The following NME7 variants were observed in gnomAD, a reference collection of about 807,000 sequenced individuals.
NME7 encodes the protein NME/NM23 family member 7.
NME7 carries 41 observed loss-of-function variants against 49.1 expected under a neutral mutation model. The ratio of observed to expected loss-of-function variants is 0.83; its 90% CI spans 0.65 to 1.08. The LOEUF (loss-of-function observed/expected upper bound fraction) is 1.08, where lower values mean the gene tolerates loss of function less well. Among genes scored for constraint, NME7 ranks in the 50% least tolerant of loss-of-function variants. The probability of loss-of-function intolerance (pLI) is 0.00; values close to 1 mark genes in which losing one functional copy is unlikely to be tolerated. For synonymous variants in NME7, 139 were observed against 150.6 expected (o/e 0.92, Z 0.56); for missense variants, 423 against 463.4 (o/e 0.91, Z 0.80).
At chr1:169,333,441 G>A (rs929910866) in intron 1 of NME7, among the ~76,000 whole-genome samples, 1 of 151,982 alleles carries the variant, frequency 6.6e-6, no homozygotes. Flanking sequence ...TAACTTAATT[G>A]TACATTTTAA....
chr1:169,323,490 T>C (rs1346778106), intron 2 of NME7, among the ~76,000 whole-genome samples: 2 of 152,242 alleles, frequency 1.3e-5, no homozygotes, highest in Non-Finnish European at 2.9e-5. Flanking sequence ...AAAAGCTTCT[T>C]ATTACAAATT....
At chr1:169,305,315 T>C (rs1352156737) in intron 4 of NME7, among the ~76,000 whole-genome samples, 1 of 152,222 alleles carries the variant, frequency 6.6e-6, no homozygotes, top group African/African-American at 2.4e-5. Context: ...CACAAAGATC[T>C]ATCCATTAAC....
chr1:169,286,135 T>C (rs1000682136), intron 7 of NME7: 1 of 152,124 alleles, frequency 6.6e-6, no homozygotes, highest in African/African-American at 2.4e-5. Flanking sequence ...AACAACAGCC[T>C]ATAGACCTAC....
chr1:169,144,796 CAGG>C (rs1443608226), intron 11 of NME7, among the ~76,000 whole-genome samples: 1 of 152,108 alleles, frequency 6.6e-6, no homozygotes, highest in Non-Finnish European at 1.5e-5. Context: ...GAAGCTGAAG[CAGG>C]AGGATTGCTT....
At chr1:169,152,441 T>C (rs1353127267) in intron 11 of NME7, among the ~76,000 whole-genome samples, 4 of 152,208 alleles carry the variant, frequency 2.6e-5, no homozygotes, top group Admixed American at 2.0e-4. Context: ...GGTAGTCTGA[T>C]TCCATATGCA....
intron 7 of NME7, among the ~76,000 whole-genome samples, chr1:169,259,328 C>G (rs183368068): frequency 7.5e-6 from 1 of 133,096 alleles, no homozygotes; most frequent in African/African-American, 2.5e-5. Context: ...CATATGAATT[C>G]TTGAAATATG....
chr1:169,365,699 A>T (rs967303617), intron 1 of NME7, among the ~76,000 whole-genome samples: 1 of 152,362 alleles, frequency 6.6e-6, no homozygotes, highest in Middle Eastern at 3.4e-3. Flanking sequence ...GAGTAAATCA[A>T]CAGGTTGGGT....
rs1054955269 is a variant in NME7, at chr1:169,270,459, C to T, written c.754+16844G>A. On this transcript the variant is annotated intron_variant, in intron 7 of 11. Transcript: ENST00000367811. ...CACTTAAATCAGACCTAGGCTTTAACTGGGGAAAAAAATTAAAGCACTTTA... is the reference window on the plus strand; with the variant it reads ...CACTTAAATCAGACCTAGGCTTTAATTGGGGAAAAAAATTAAAGCACTTTA... Among the ~76,000 whole-genome samples the T allele has an allele frequency of 1.5e-5, 2 of 133,746 alleles. 1 individual carries two copies. Among genetic ancestry groups the T allele is most frequent in the Non-Finnish European group, 3.5e-5 (2 of 56,898 alleles). The allele number at this position is 133,746 out of a possible 152,430, so 87.7% of individuals were successfully genotyped here.
intron 10 of NME7, among the ~76,000 whole-genome samples, chr1:169,196,365 C>A (rs559265209): frequency 6.6e-6 from 1 of 152,206 alleles, no homozygotes; most frequent in Non-Finnish European, 1.5e-5. Context: ...CAAAGCACTC[C>A]CCATCTCTCA....
chr1:169,321,948 A>C (rs369453252), intron 3 of NME7, among the ~76,000 whole-genome samples: 1 of 151,824 alleles, frequency 6.6e-6, no homozygotes, highest in Admixed American at 6.6e-5. Context: ...GGAAAAAAAA[A>C]CTCCCCAAAC....
intron 11 of NME7, among the ~76,000 whole-genome samples, chr1:169,143,273 C>CTTTTTT (rs71299493): frequency 0.02 from 1,912 of 97,676 alleles, 62 homozygotes; most frequent in African/African-American, 0.031. Flanking sequence ...TCACCTCAGG[C>CTTTTTT]TTTTTTTTTT....
At chr1:169,201,547 A>T (rs866317203) in intron 10 of NME7, among the ~76,000 whole-genome samples, 1 of 152,158 alleles carries the variant, frequency 6.6e-6, no homozygotes, top group South Asian at 2.1e-4. Flanking sequence ...ACAGAAAGGA[A>T]TATTTACGAG....
At chr1:169,302,616 G>A (rs1345395103) in intron 5 of NME7, among the ~76,000 whole-genome samples, 1 of 152,018 alleles carries the variant, frequency 6.6e-6, no homozygotes, top group East Asian at 1.9e-4. Flanking sequence ...TACTAGAGTG[G>A]GAGAAAGGGA....
intron 7 of NME7, among the ~76,000 whole-genome samples, chr1:169,275,681 T>C (rs983993921): frequency 9.2e-5 from 12 of 131,106 alleles, no homozygotes; most frequent in African/African-American, 2.8e-4. Context: ...CTTTATTTCC[T>C]TCTCCTGCCT....
intron 6 of NME7, among the ~76,000 whole-genome samples, chr1:169,293,815 C>T (rs1453804686): frequency 1.3e-5 from 2 of 152,108 alleles, no homozygotes; most frequent in Non-Finnish European, 2.9e-5. Context: ...CATTCATAAA[C>T]ATGGCATATA....
At chr1:169,257,278 T>G (rs1418042732) in intron 7 of NME7, among the ~76,000 whole-genome samples, 3 of 134,704 alleles carry the variant, frequency 2.2e-5, no homozygotes, top group African/African-American at 7.5e-5. Flanking sequence ...GCGCCATTTT[T>G]TAAGCCTGTC....
chr1:169,140,971 C>T (rs774871639), intron 11 of NME7, among the ~76,000 whole-genome samples: 24 of 152,292 alleles, frequency 1.6e-4, no homozygotes, highest in Non-Finnish European at 2.8e-4. Context: ...TTGAAAGCCA[C>T]TGCCCTAGTA....
Position 169,355,244 on chromosome 1 carries a change from ATATAT to A in NME7, c.3+12459_3+12463del, listed in dbSNP as rs1261310175. ...TTATAGATATAATATATAATATATT[ATATAT>A]TATATCTATATATAATATATTGTAT... On this transcript the variant is annotated intron_variant, in intron 1 of 11. Transcript: ENST00000367811. Among the ~76,000 whole-genome samples the A allele has an allele frequency of 5.9e-5, 2 of 33,862 alleles. 1 individual carries two copies. The highest frequency in any genetic ancestry group is 1.4e-4 in the Non-Finnish European group (2 of 14,742). 22.2% of individuals were successfully genotyped at this position (33,862 alleles called of 152,430 possible).
intron 6 of NME7, among the ~76,000 whole-genome samples, chr1:169,293,557 C>T (rs1024830769): frequency 1.3e-5 from 2 of 152,088 alleles, no homozygotes; most frequent in Non-Finnish European, 2.9e-5. Context: ...TTACCTACTC[C>T]CATGCTAATA....
Sources: gnomAD v4.1 joint callset for allele counts (sites outside exome capture counted in the v4.1 genomes callset) on GRCh38, gnomAD v4.1.1 for gene constraint, MANE v1.5 for transcripts, NCBI Gene and HGNC (gene_info 2026-07-23, HGNC 2026-07-21) for gene names.